Variants in OPHN1 observed in about 807,000 individuals in gnomAD.
OPHN1 encodes the protein oligophrenin 1, also known as oligophrenin-1.
In OPHN1, 11 loss-of-function variants were observed where a neutral mutation model predicts 60.7. That is an observed-to-expected ratio of 0.18 (90% CI 0.11 to 0.30). The LOEUF (loss-of-function observed/expected upper bound fraction) is 0.30, where lower values mean the gene tolerates loss of function less well. Ranked by LOEUF, OPHN1 falls within the 10% of genes least tolerant of loss-of-function variation. The probability of loss-of-function intolerance (pLI) is 1.00; values close to 1 mark genes in which losing one functional copy is unlikely to be tolerated. For synonymous variants in OPHN1, 226 were observed against 222.6 expected, an observed-to-expected ratio of 1.02 and a Z score of -0.14; for missense variants, 449 against 611.0, an observed-to-expected ratio of 0.73 and a Z score of 2.80.
rs151136903 is a variant in OPHN1, at chrX:68,255,665, G to C, written c.384+19073C>G. Among the ~76,000 whole-genome samples, 938 of 109,617 alleles carry C rather than the reference G, an allele frequency of 8.6e-3. 6 individuals are homozygous for C. Among genetic ancestry groups the C allele is most frequent in the Non-Finnish European group, 0.011 (560 of 52,722 alleles). ...CTTGCCAGCCTGCCCTACAGATTTT[G>C]AACTTGCCAGCCCGTACAATCATAT... On this transcript the variant is annotated intron_variant, in intron 5 of 24. Coordinates refer to ENST00000355520, the MANE Select transcript of OPHN1 (RefSeq NM_002547.3).
rs2076827403 is a variant in OPHN1 at position 68,044,868 on chromosome X, A to G, written c.*2304T>C. ...AGCAATCTCATGACATTTCTGGGAC[A>G]TATTTTCTACTGGGATCACAGCAGC... On this transcript the variant is annotated 3_prime_UTR_variant, in exon 25 of 25. Coordinates refer to ENST00000355520, the MANE Select transcript of OPHN1 (RefSeq NM_002547.3). The G allele has an allele frequency of 8.9e-6, 1 of 112,457 alleles. No individual in the cohort carries two copies. Among genetic ancestry groups the G allele is most frequent in the Non-Finnish European group, 1.9e-5 (1 of 53,316 alleles). 9.3% of individuals were successfully genotyped at this position (112,457 alleles called of 1,213,427 possible).
chrX:68,050,682 C>T (rs1056090156), intron 23 of OPHN1, among the ~76,000 whole-genome samples: 3 of 112,026 alleles, frequency 2.7e-5, no homozygotes, highest in Non-Finnish European at 5.6e-5. Flanking sequence ...ATTCTTTTTT[C>T]AAGCCCCAAC....
At chrX:68,225,292 G>C (rs1161794917) in intron 6 of OPHN1, among the ~76,000 whole-genome samples, 3 of 111,761 alleles carry the variant, frequency 2.7e-5, no homozygotes, top group East Asian at 5.7e-4. Flanking sequence ...TCCACCTCTG[G>C]GGGCAGGGCA....
Position 68,096,963 on chromosome X carries a change from G to T in OPHN1, c.1593C>A (p.Thr531=). 8.3e-7 allele frequency: 1 copy of T among 1,210,210 alleles called. No individual in the cohort carries two copies. Among genetic ancestry groups the T allele is most frequent in the Non-Finnish European group, 1.1e-6 (1 of 894,579 alleles). ...PSNMGVIFGP[T]LMRAQEDTVA... is the part of the protein sequence containing the mutation. Reference sequence around the variant, plus strand: ...CAGTGTCCTCCTGAGCTCTCATCAGGGTGGGCCCAAAGATTACTCCCATGT... The same window carrying T: ...CAGTGTCCTCCTGAGCTCTCATCAGTGTGGGCCCAAAGATTACTCCCATGT... Residue 531 remains threonine (T), a synonymous_variant, in exon 19 of 25, where the codon ACC becomes ACA. Transcript: ENST00000355520.
chrX:68,242,511 C>G, intron 5 of OPHN1, among the ~76,000 whole-genome samples: 1 of 111,557 alleles, frequency 9.0e-6, no homozygotes, highest in African/African-American at 3.3e-5. Context: ...AATATTTTGT[C>G]ATGTTCTCAA....
chrX:68,416,577 G>A (rs1201740627), intron 2 of OPHN1, among the ~76,000 whole-genome samples: 5 of 111,640 alleles, frequency 4.5e-5, no homozygotes, highest in Non-Finnish European at 7.5e-5. Flanking sequence ...AGGCCCCGGG[G>A]TAGGCAATAG....
chrX:68,217,426 C>G (rs779966260), intron 6 of OPHN1, among the ~76,000 whole-genome samples: 7 of 112,052 alleles, frequency 6.2e-5, no homozygotes, highest in African/African-American at 2.3e-4. Flanking sequence ...TGGAGCCCAC[C>G]ACAGCTCAAG....
At chrX:68,306,553 C>T (rs1198986770) in intron 2 of OPHN1, among the ~76,000 whole-genome samples, 1 of 112,016 alleles carries the variant, frequency 8.9e-6, no homozygotes, top group Non-Finnish European at 1.9e-5. Context: ...AAAAGAAAAG[C>T]TTTTCTTATC....
intron 5 of OPHN1, among the ~76,000 whole-genome samples, chrX:68,256,849 T>C (rs986088716): frequency 1.8e-5 from 2 of 110,496 alleles, no homozygotes; most frequent in Non-Finnish European, 3.8e-5. Context: ...CTGGCCAACA[T>C]GGTGAAACCC....
chrX:68,148,279 T>C (rs1393049410), intron 15 of OPHN1, among the ~76,000 whole-genome samples: 1 of 111,561 alleles, frequency 9.0e-6, no homozygotes, highest in Non-Finnish European at 1.9e-5. Context: ...TAAACTTGTA[T>C]ACTATCCCAA....
intron 6 of OPHN1, among the ~76,000 whole-genome samples, chrX:68,219,666 G>C (rs2077641045): frequency 9.0e-6 from 1 of 111,185 alleles, no homozygotes. Flanking sequence ...TGAACAACTT[G>C]CTCCTGAATG....
At chrX:68,061,448 G>A (rs143541638) in intron 21 of OPHN1, among the ~76,000 whole-genome samples, 144 of 111,288 alleles carry the variant, frequency 1.3e-3, no homozygotes, top group African/African-American at 4.2e-3. Flanking sequence ...TTACTGTGAC[G>A]AGTATAAGTT....
intron 6 of OPHN1, among the ~76,000 whole-genome samples, chrX:68,216,471 T>C (rs1282423697): frequency 9.0e-6 from 1 of 111,169 alleles, no homozygotes; most frequent in East Asian, 2.8e-4. Flanking sequence ...GAGCCAACTA[T>C]GTTACCTAAA....
intron 19 of OPHN1, among the ~76,000 whole-genome samples, chrX:68,090,630 G>T (rs751048921): frequency 1.8e-5 from 2 of 110,557 alleles, no homozygotes; most frequent in East Asian, 5.7e-4. Context: ...ACATTGCTAC[G>T]ACATGGGCTT....
chrX:68,383,541 G>C (rs181093385), intron 2 of OPHN1, among the ~76,000 whole-genome samples: 3 of 97,459 alleles, frequency 3.1e-5, no homozygotes, highest in African/African-American at 1.2e-4. Flanking sequence ...GGAGGTTGCA[G>C]TGAGCCGAGG....
chrX:68,089,744 A>C (rs759067012), intron 19 of OPHN1, among the ~76,000 whole-genome samples: 1 of 111,602 alleles, frequency 9.0e-6, no homozygotes, highest in East Asian at 2.8e-4. Flanking sequence ...TCCTACATTT[A>C]TCACCCTATC....
intron 2 of OPHN1, among the ~76,000 whole-genome samples, chrX:68,426,899 A>C (rs971684792): frequency 5.9e-5 from 6 of 101,105 alleles, no homozygotes; most frequent in Non-Finnish European, 1.0e-4. Flanking sequence ...AACAAAAAAA[A>C]AAAAACAAAA....
chrX:68,244,516 C>A (rs773460586), intron 5 of OPHN1, among the ~76,000 whole-genome samples: 76 of 111,770 alleles, frequency 6.8e-4, no homozygotes, highest in Non-Finnish European at 1.2e-3. Context: ...CAGAGTGTGG[C>A]CAAATTAACA....
intron 21 of OPHN1, 41 bp downstream of exon 21, chrX:68,063,813 T>A: frequency 1.9e-6 from 2 of 1,064,906 alleles, no homozygotes; most frequent in Non-Finnish European, 2.5e-6. Context: ...GAAAAGTAGT[T>A]AGGGTCAGCT....
Sources: allele counts gnomAD v4.1 joint callset (sites outside exome capture counted in the v4.1 genomes callset), GRCh38; gene constraint gnomAD v4.1.1; transcripts MANE v1.5; gene names NCBI Gene and HGNC (gene_info 2026-07-23, HGNC 2026-07-21).